UBE2O: variants seen among roughly 807,000 people sequenced by gnomAD.
UBE2O encodes the protein ubiquitin conjugating enzyme E2 O, also known as (E3-independent) E2 ubiquitin-conjugating enzyme.
A neutral mutation model predicts 125.8 loss-of-function variants in UBE2O; 15 were observed. The ratio of observed to expected loss-of-function variants is 0.12; its 90% CI spans 0.08 to 0.18. The LOEUF is 0.18. Ranked by LOEUF, UBE2O falls within the 10% of genes least tolerant of loss-of-function variation. The pLI is 1.00. For missense variants in UBE2O, 1,280 were observed against 1,723.6 expected (o/e 0.74, Z 4.56); for synonymous variants, 708 against 703.2 (o/e 1.01, Z -0.11).
chr17:76,443,894 A>G (rs1247647474), intron 1 of UBE2O, among the ~76,000 whole-genome samples: 1 of 152,202 alleles, frequency 6.6e-6, no homozygotes, highest in Non-Finnish European at 1.5e-5. Context: ...ATAGTCTGGT[A>G]TAATAGAACC....
At chr17:76,415,995 G>A (rs4238986) in intron 1 of UBE2O, among the ~76,000 whole-genome samples, 70,367 of 150,460 alleles carry the variant, frequency 0.47, 18,894 homozygotes, top group Non-Finnish European at 0.6. Context: ...GCACATACAC[G>A]TATATACGTA....
chr17:76,449,608 G>A (rs1387417197), intron 1 of UBE2O, among the ~76,000 whole-genome samples: 1 of 151,288 alleles, frequency 6.6e-6, no homozygotes, highest in Non-Finnish European at 1.5e-5. Context: ...TTTTCAATAG[G>A]TAGCAGCTTA....
intron 1 of UBE2O, among the ~76,000 whole-genome samples, chr17:76,451,434 CT>C (rs1208569812): frequency 6.6e-6 from 1 of 152,214 alleles, no homozygotes; most frequent in Non-Finnish European, 1.5e-5. Context: ...GGATTTGTGT[CT>C]GTGGATGTAT....
rs983984843 is a variant in UBE2O, at chr17:76,428,158, ATGAGGT to A, written c.418-22592_418-22587del. Among the ~76,000 whole-genome samples, 12 of 152,346 alleles carry A rather than the reference ATGAGGT, an allele frequency of 7.9e-5. 1 individual carries two copies. Among genetic ancestry groups the A allele is most frequent in the African/African-American group, 2.9e-4 (12 of 41,584 alleles). On this transcript the variant is annotated intron_variant, in intron 1 of 17. Transcript: ENST00000319380. ...CCACCCCATTGTCTTCTGGCTTCCAATGAGGTTGAAAAATCCAATCCATCTTCATTC... is the reference window on the plus strand; with the variant it reads ...CCACCCCATTGTCTTCTGGCTTCCAATGAAAAATCCAATCCATCTTCATTC...
intron 15 of UBE2O, among the ~76,000 whole-genome samples, chr17:76,393,810 G>A (rs1034917535): frequency 1.3e-5 from 2 of 152,172 alleles, no homozygotes; most frequent in African/African-American, 2.4e-5. Context: ...GATCTCAACT[G>A]ACAGGGCAAT....
chr17:76,404,140 A>T lies in UBE2O; in HGVS notation c.588+1066T>A, dbSNP rs1394510465. On this transcript the variant is annotated intron_variant, in intron 3 of 17. Coordinates refer to ENST00000319380, the MANE Select transcript of UBE2O (RefSeq NM_022066.4). This position sits in a 1 kb window ranked among gnomAD's most constrained non-coding sequence, Gnocchi z 4.3. Reference sequence around the variant, plus strand: ...CAGAGCAATGGCTGGCGCAGGGGGAACTGTGAATGGAGGCCAAAGCTGGTG... The same window carrying T: ...CAGAGCAATGGCTGGCGCAGGGGGATCTGTGAATGGAGGCCAAAGCTGGTG... 2.0e-5 allele frequency among the ~76,000 whole-genome samples: 3 copies of T among 152,344 alleles called. No homozygotes were observed. In the East Asian group the frequency reaches 5.8e-4, roughly 29 times the overall value.
intron 13 of UBE2O, 137 bp downstream of exon 13, chr17:76,397,662 C>T: frequency 1.2e-6 from 1 of 850,598 alleles, no homozygotes; most frequent in East Asian, 2.4e-5. Flanking sequence ...GTGTGGAATG[C>T]CTGCCTTTCC....
chr17:76,445,940 T>C (rs1257344439), intron 1 of UBE2O, among the ~76,000 whole-genome samples: 1 of 152,096 alleles, frequency 6.6e-6, no homozygotes, highest in Non-Finnish European at 1.5e-5. Context: ...CATGACCTTC[T>C]CCAGGACTGG....
chr17:76,405,379 C>G lies in UBE2O; in HGVS notation c.478-63G>C, dbSNP rs1598591893. The G allele has an allele frequency of 6.5e-7, 1 of 1,531,308 alleles. No individual in the cohort carries two copies. 94.9% of individuals were successfully genotyped at this position (1,531,308 alleles called of 1,614,324 possible). A position where few individuals can be genotyped will look rare whatever the true frequency, so the allele number is the denominator to read the frequency against. On this transcript the variant is annotated intron_variant, in intron 2 of 17. Transcript: ENST00000319380. This position sits in a 1 kb window ranked among gnomAD's most constrained non-coding sequence, Gnocchi z 6.1. Reference sequence around the variant, plus strand: ...GCAGCCCTGGTCACCAGGGGAGACCCAGCCCAGGCAACCCCAGCGCACCCC... The same window carrying G: ...GCAGCCCTGGTCACCAGGGGAGACCGAGCCCAGGCAACCCCAGCGCACCCC...
At chr17:76,437,026 A>G (rs55683961) in intron 1 of UBE2O, among the ~76,000 whole-genome samples, 6,179 of 152,080 alleles carry the variant, frequency 0.041, 283 homozygotes, top group African/African-American at 0.11. Context: ...GTGGGCACCC[A>G]TAATCCTAGC....
chr17:76,399,333 C>CATTAA lies in UBE2O; in HGVS notation c.1628+115_1628+116insTTAAT. Reference sequence around the variant, plus strand: ...GTTGTCTCGGGTGGGAGCCCCGGAGCCACTACAAGGCATGCAGAGGTGTGT... The same window carrying CATTAA: ...GTTGTCTCGGGTGGGAGCCCCGGAGCATTAACACTACAAGGCATGCAGAGGTGTGT... On this transcript the variant is annotated intron_variant, in intron 9 of 17. Transcript: ENST00000319380. The surrounding 1 kb of genome is among the most constrained non-coding windows in gnomAD (Gnocchi z 6.9). 1 of 1,080,064 alleles carries CATTAA rather than the reference C, an allele frequency of 9.3e-7. No individual in the cohort carries two copies. The highest frequency in any genetic ancestry group is 1.3e-6 in the Non-Finnish European group (1 of 744,602). The allele number at this position is 1,080,064 out of a possible 1,614,324, so 66.9% of individuals were successfully genotyped here. A position where few individuals can be genotyped will look rare whatever the true frequency, so the allele number is the denominator to read the frequency against.
In UBE2O at chr17:76,398,460, G is replaced by T; in HGVS notation, c.1896+12C>A. ...GAGCCCACCTGAAGCAAGCAGTAGG[G>T]GCTGCACACACCTCCACGTCGTCCC... is the stretch of plus-strand genomic sequence containing the variant. On this transcript the variant is annotated intron_variant, in intron 11 of 17. Transcript: ENST00000319380. This position sits in a 1 kb window ranked among gnomAD's most constrained non-coding sequence, Gnocchi z 5.4. 1 of 1,614,038 alleles carries T rather than the reference G, an allele frequency of 6.2e-7. No homozygotes were observed. The highest frequency in any genetic ancestry group is 1.3e-5 in the African/African-American group (1 of 75,004).
chr17:76,409,069 C>T (rs1030301962), intron 1 of UBE2O, among the ~76,000 whole-genome samples: 1 of 150,682 alleles, frequency 6.6e-6, no homozygotes, highest in East Asian at 2.0e-4. Flanking sequence ...CCCGGGTTCA[C>T]GCCATCCTCC....
chr17:76,416,666 A>G (rs972141620), intron 1 of UBE2O, among the ~76,000 whole-genome samples: 1 of 152,168 alleles, frequency 6.6e-6, no homozygotes, highest in Non-Finnish European at 1.5e-5. Context: ...AATGAATACC[A>G]TCCCGGGATG....
At chr17:76,443,344 C>T (rs1043236542) in intron 1 of UBE2O, among the ~76,000 whole-genome samples, 2 of 152,046 alleles carry the variant, frequency 1.3e-5, no homozygotes, top group South Asian at 2.1e-4. Context: ...GCTGGAGTGC[C>T]GGGGCACGAT....
intron 1 of UBE2O, chr17:76,430,267 G>A (rs1359637691): frequency 1.3e-5 from 2 of 152,586 alleles, no homozygotes; most frequent in Non-Finnish European, 2.9e-5. Flanking sequence ...TGTTATTTTA[G>A]CAGAGTTTCT....
chr17:76,430,979 A>T (rs1240968289), intron 1 of UBE2O: 1 of 265,560 alleles, frequency 3.8e-6, no homozygotes, highest in Admixed American at 4.7e-5. Context: ...TTCTTCGTGC[A>T]TAAGTTTCCT....
rs766910974 is a variant in UBE2O, at chr17:76,399,938, G to C, written c.1156-17C>G. 1 of 1,586,284 alleles carries C rather than the reference G, an allele frequency of 6.3e-7. No individual in the cohort carries two copies. The highest frequency in any genetic ancestry group is 8.6e-7 in the Non-Finnish European group (1 of 1,166,446). On this transcript the variant is annotated splice_polypyrimidine_tract_variant and intron_variant, in intron 8 of 17. Coordinates refer to ENST00000319380, the MANE Select transcript of UBE2O (RefSeq NM_022066.4). The surrounding 1 kb of genome is among the most constrained non-coding windows in gnomAD (Gnocchi z 6.9). ...GCGCTTCACCTGCAAGGGCGGAGCA[G>C]AGAGGACAGGGCTGTGAGGTGCACC...
Position 76,389,689 on chromosome 17 carries a change from G to C in UBE2O, c.*1254C>G, listed in dbSNP as rs903682297. 6.6e-6 allele frequency: 1 copy of C among 152,130 alleles called. No homozygotes were observed. Among genetic ancestry groups the C allele is most frequent in the African/African-American group, 2.4e-5 (1 of 41,432 alleles). 9.4% of individuals were successfully genotyped at this position (152,130 alleles called of 1,614,324 possible). ...ATACCGACTCGGTTCCAAATGCCAC[G>C]GTGTGTGGTCCGGCTCCATCCTCCC... On this transcript the variant is annotated 3_prime_UTR_variant, in exon 18 of 18. Transcript: ENST00000319380.
Sources: allele counts gnomAD v4.1 joint callset (sites outside exome capture counted in the v4.1 genomes callset), GRCh38; gene constraint gnomAD v4.1.1; non-coding constraint Gnocchi (gnomAD v3.1); transcripts MANE v1.5; gene names NCBI Gene and HGNC (gene_info 2026-07-23, HGNC 2026-07-21).